The following ARNT2 variants were observed in gnomAD, a reference collection of about 807,000 sequenced individuals.
The protein encoded by ARNT2 is ARNT protein 2.
Under a neutral mutation model 91.7 loss-of-function variants are expected in ARNT2, and 36 were observed. The ratio of observed to expected loss-of-function variants is 0.39; its 90% CI spans 0.30 to 0.52. ARNT2 has a LOEUF of 0.52. Ranked by LOEUF, ARNT2 falls within the 20% of genes least tolerant of loss-of-function variation. The probability of loss-of-function intolerance (pLI) is 0.72; values close to 1 mark genes in which losing one functional copy is unlikely to be tolerated. For synonymous variants in ARNT2, 365 were observed against 347.1 expected, an observed-to-expected ratio of 1.05 and a Z score of -0.57; for missense variants, 775 against 939.3, an observed-to-expected ratio of 0.83 and a Z score of 2.29.
chr15:80,456,539 G>C (rs1896484300), intron 2 of ARNT2, among the ~76,000 whole-genome samples: 1 of 152,152 alleles, frequency 6.6e-6, no homozygotes, highest in South Asian at 2.1e-4. Flanking sequence ...CTAATTTTAA[G>C]AAGAAAATAC....
rs149047667 is a variant in ARNT2, at chr15:80,413,568, C to A, written c.31+9022C>A. 5.9e-5 allele frequency among the ~76,000 whole-genome samples: 9 copies of A among 152,312 alleles called. No individual in the cohort carries two copies. The South Asian group carries it at 1.2e-3, about 21-fold the overall frequency. On this transcript the variant is annotated intron_variant, in intron 1 of 18. Transcript: ENST00000303329. ...TGTGTTTGTTTCTGATTTGGCCATC[C>A]CTACTTTTCTTCCAACAACTCTAAA...
chr15:80,443,397 A>G (rs1036064296), intron 1 of ARNT2, among the ~76,000 whole-genome samples: 1 of 152,158 alleles, frequency 6.6e-6, no homozygotes. Flanking sequence ...GCCTTGTCTG[A>G]TGTGGCTTCC....
At chr15:80,500,400 A>G (rs763400615) in intron 5 of ARNT2, among the ~76,000 whole-genome samples, 3 of 152,110 alleles carry the variant, frequency 2.0e-5, no homozygotes, top group Non-Finnish European at 4.4e-5. Flanking sequence ...TTCCTTTGCC[A>G]TCTCACTGTT....
chr15:80,449,818 C>T (rs1279974684), intron 1 of ARNT2, among the ~76,000 whole-genome samples: 1 of 152,238 alleles, frequency 6.6e-6, no homozygotes, highest in African/African-American at 2.4e-5. Flanking sequence ...GCACTGTCAA[C>T]ATCACCAGGC....
Position 80,475,219 on chromosome 15 carries a change from G to C in ARNT2, c.618G>C (p.Met206Ile). 6.2e-7 allele frequency: 1 copy of C among 1,613,886 alleles called. No individual in the cohort carries two copies. Among genetic ancestry groups the C allele is most frequent in the Non-Finnish European group, 8.5e-7 (1 of 1,180,004 alleles). The stretch of plus-strand genomic sequence containing the variant: ...AACTGTGCACCTCAGAAAACTCAAT[G>C]ACAGGTCAGTGGAGCTCCCTTTATG... ...REQLCTSENS[M>I]TGRILDLKTG... Residue 206 changes from methionine (M) to isoleucine (I), a missense_variant, in exon 5 of 19, where the codon ATG becomes ATC. Physicochemically the swap from Met to Ile is conservative, Grantham distance 10. This residue lies in a region of ARNT2 where 285 missense variants were observed against 327.2 expected (regional missense o/e 0.87). Transcript: ENST00000303329.
intron 1 of ARNT2, chr15:80,444,951 T>C (rs1264057380): frequency 6.7e-6 from 1 of 149,760 alleles, no homozygotes; most frequent in African/African-American, 2.5e-5. Flanking sequence ...GTGAGTGGTA[T>C]GTGATGTGTT....
At chr15:80,565,538 G>T (rs867770995) in intron 12 of ARNT2, among the ~76,000 whole-genome samples, 8 of 140,884 alleles carry the variant, frequency 5.7e-5, no homozygotes, top group South Asian at 4.4e-4. Flanking sequence ...TTTTGTTATT[G>T]TTTTTTTTTT....
chr15:80,421,448 AGAAG>A (rs986112913), intron 1 of ARNT2, among the ~76,000 whole-genome samples: 3 of 152,014 alleles, frequency 2.0e-5, no homozygotes, highest in African/African-American at 7.2e-5. Context: ...AGGGAAAGAA[AGAAG>A]GAAGGAAGGA....
intron 1 of ARNT2, among the ~76,000 whole-genome samples, chr15:80,412,470 T>C (rs981102591): frequency 6.7e-6 from 1 of 150,370 alleles, no homozygotes; most frequent in Non-Finnish European, 1.5e-5. Flanking sequence ...TTTGCGTATA[T>C]CCTTACAGAC....
Position 80,562,744 on chromosome 15 carries a change from T to C in ARNT2, c.1165-344T>C. The C allele has an allele frequency of 9.9e-6, 3 of 302,374 alleles. No homozygotes were observed. The East Asian group carries it at 2.3e-4, about 23-fold the overall frequency. The allele number at this position is 302,374 out of a possible 1,614,324, so 18.7% of individuals were successfully genotyped here. A position where few individuals can be genotyped will look rare whatever the true frequency, so the allele number is the denominator to read the frequency against. On this transcript the variant is annotated intron_variant, in intron 11 of 18. Transcript: ENST00000303329. Reference sequence around the variant, plus strand: ...GGAGAGCACCAAACCCAGAGTACCCTAGCAACCGAGGCAAAAAGAAAAACG... The same window carrying C: ...GGAGAGCACCAAACCCAGAGTACCCCAGCAACCGAGGCAAAAAGAAAAACG...
chr15:80,457,768 G>A (rs557156078), intron 2 of ARNT2, among the ~76,000 whole-genome samples, 161 bp from the exon 3 acceptor site: 40 of 152,306 alleles, frequency 2.6e-4, no homozygotes, highest in African/African-American at 8.2e-4. Flanking sequence ...TCTTGAACCC[G>A]TTTGATGACT....
chr15:80,576,571 C>G (rs2141477701), intron 14 of ARNT2, among the ~76,000 whole-genome samples: 1 of 152,342 alleles, frequency 6.6e-6, no homozygotes, highest in South Asian at 2.1e-4. Flanking sequence ...GCCACCATGC[C>G]TAGCCTCATT....
At chr15:80,410,866 T>G (rs1895672384) in intron 1 of ARNT2, among the ~76,000 whole-genome samples, 1 of 152,066 alleles carries the variant, frequency 6.6e-6, no homozygotes, top group Non-Finnish European at 1.5e-5. Flanking sequence ...TCTCTCTTTC[T>G]CTTTCCCTCC....
chr15:80,536,410 C>G (rs1897824296), intron 8 of ARNT2, among the ~76,000 whole-genome samples: 1 of 152,164 alleles, frequency 6.6e-6, no homozygotes, highest in Admixed American at 6.5e-5. Context: ...TCTACTTGGC[C>G]AGTGCGATGT....
chr15:80,473,624 G>A (rs527404701), intron 4 of ARNT2, among the ~76,000 whole-genome samples: 45 of 152,274 alleles, frequency 3.0e-4, no homozygotes, highest in African/African-American at 1.1e-3. Context: ...CAAAGCAAGA[G>A]AAATGGGCAA....
intron 1 of ARNT2, among the ~76,000 whole-genome samples, chr15:80,428,666 A>G (rs1361699216): frequency 6.6e-6 from 1 of 152,212 alleles, no homozygotes; most frequent in Non-Finnish European, 1.5e-5. Context: ...GACTTTTTCA[A>G]TTTAAAAGGA....
At chr15:80,418,187 G>A (rs576865755) in intron 1 of ARNT2, among the ~76,000 whole-genome samples, 1 of 152,302 alleles carries the variant, frequency 6.6e-6, no homozygotes, top group South Asian at 2.1e-4. Flanking sequence ...AAGAGAGGGG[G>A]TCTGTCATGG....
chr15:80,586,190 A>G (rs1356554367), intron 17 of ARNT2, among the ~76,000 whole-genome samples: 2 of 152,200 alleles, frequency 1.3e-5, no homozygotes, highest in African/African-American at 4.8e-5. Context: ...AAGGTGCTGT[A>G]GCAGACCAGG....
Position 80,428,413 on chromosome 15 carries a change from A to G in ARNT2, c.32-22467A>G, listed in dbSNP as rs1895961873. 3.3e-5 allele frequency among the ~76,000 whole-genome samples: 5 copies of G among 152,248 alleles called. No individual in the cohort carries two copies. In the South Asian group the frequency reaches 1.0e-3, roughly 31 times the overall value. ...CAGTTCCATGGACTAGCAAGTGAGG[A>G]ACCTGGATGTGGTCTCAGCTCTTCT... On this transcript the variant is annotated intron_variant, in intron 1 of 18. Coordinates refer to ENST00000303329, the MANE Select transcript of ARNT2 (RefSeq NM_014862.4).
Sources: allele counts gnomAD v4.1 joint callset (sites outside exome capture counted in the v4.1 genomes callset), GRCh38; gene constraint gnomAD v4.1.1; regional missense constraint gnomAD v4.1.1; transcripts MANE v1.5; gene names NCBI Gene and HGNC (gene_info 2026-07-23, HGNC 2026-07-21).